LPCAT2: variants seen among roughly 807,000 people sequenced by gnomAD.
The protein encoded by LPCAT2 is lysophosphatidylcholine acyltransferase 2.
LPCAT2 carries 58 observed loss-of-function variants against 64.7 expected under a neutral mutation model. That is an observed-to-expected ratio of 0.90 (90% CI 0.73 to 1.12). LPCAT2 has a LOEUF of 1.12. LPCAT2 is among the 50% of genes most tolerant of loss of function. LPCAT2 has a pLI of 0.00. For synonymous variants in LPCAT2, 252 were observed against 245.3 expected, an observed-to-expected ratio of 1.03 and a Z score of -0.26; for missense variants, 579 against 669.8, an observed-to-expected ratio of 0.86 and a Z score of 1.50.
chr16:55,520,917 G>A (rs994151741), intron 1 of LPCAT2, among the ~76,000 whole-genome samples: 1 of 151,732 alleles, frequency 6.6e-6, no homozygotes, highest in African/African-American at 2.4e-5. Flanking sequence ...TAAAATTAAT[G>A]ATTTAAGTTT....
chr16:55,521,825 A>T (rs1377279332), intron 1 of LPCAT2, among the ~76,000 whole-genome samples: 1 of 151,692 alleles, frequency 6.6e-6, no homozygotes, highest in Non-Finnish European at 1.5e-5. Context: ...TTTCTTAGTA[A>T]AATAGGGATA....
Position 55,556,546 on chromosome 16 carries a change from G to A in LPCAT2, c.1215+5444G>A, listed in dbSNP as rs112572052. Among the ~76,000 whole-genome samples, 756 of 152,312 alleles carry A rather than the reference G, an allele frequency of 5.0e-3. 4 individuals are homozygous for A. Among genetic ancestry groups the A allele is most frequent in the South Asian group, 7.5e-3 (36 of 4,828 alleles). Reference sequence around the variant, plus strand: ...TAATCCCAGCACTTTGGGAGGCCGAGGTGGGCAGATCACGAGGTCAGGAGA... The same window carrying A: ...TAATCCCAGCACTTTGGGAGGCCGAAGTGGGCAGATCACGAGGTCAGGAGA... On this transcript the variant is annotated intron_variant, in intron 11 of 13. Transcript: ENST00000262134.
At chr16:55,578,735 C>T (rs1365710620) in intron 12 of LPCAT2, among the ~76,000 whole-genome samples, 1 of 152,170 alleles carries the variant, frequency 6.6e-6, no homozygotes, top group Non-Finnish European at 1.5e-5. Context: ...TATCTCCTGA[C>T]TGGAGCCCCA....
chr16:55,565,205 TAAC>T (rs71149623), intron 11 of LPCAT2, among the ~76,000 whole-genome samples: 53,922 of 151,624 alleles, frequency 0.36, 11,429 homozygotes, highest in Non-Finnish European at 0.47. Context: ...AAAGAGAAAA[TAAC>T]AAGTGTTTGC....
At chr16:55,568,948 T>C (rs194178) in intron 11 of LPCAT2, among the ~76,000 whole-genome samples, 143,321 of 152,226 alleles carry the variant, frequency 0.94, 67,829 homozygotes, top group East Asian at 0.99. Flanking sequence ...TGCAAGTGCT[T>C]GGTTCCTCTG....
chr16:55,537,727 C>T, intron 8 of LPCAT2, 95 bp downstream of exon 8: 1 of 990,840 alleles, frequency 1.0e-6, no homozygotes, highest in Non-Finnish European at 1.5e-6. Context: ...AAAGGTCCAT[C>T]ACCAGGTGTT....
At chr16:55,554,822 T>C (rs1284538096) in intron 11 of LPCAT2, among the ~76,000 whole-genome samples, 2 of 152,162 alleles carry the variant, frequency 1.3e-5, no homozygotes, top group African/African-American at 4.8e-5. Flanking sequence ...GGGGCCGTTG[T>C]AGTGTTATTA....
intron 11 of LPCAT2, among the ~76,000 whole-genome samples, chr16:55,561,856 C>T (rs1963640108): frequency 6.6e-6 from 1 of 151,824 alleles, no homozygotes; most frequent in Non-Finnish European, 1.5e-5. Flanking sequence ...TTTCATTGTG[C>T]CTATGAGAAA....
chr16:55,567,997 A>C (rs2142414652), intron 11 of LPCAT2, among the ~76,000 whole-genome samples: 1 of 152,326 alleles, frequency 6.6e-6, no homozygotes, highest in African/African-American at 2.4e-5. Flanking sequence ...CATTATGTAA[A>C]AAAATGAAAA....
chr16:55,559,374 T>C (rs1418874708), intron 11 of LPCAT2, among the ~76,000 whole-genome samples: 5 of 152,192 alleles, frequency 3.3e-5, no homozygotes, highest in Admixed American at 2.0e-4. Flanking sequence ...CTTCTGTAGA[T>C]GTTTTATTAC....
At chr16:55,577,762 C>T (rs1367491467) in intron 12 of LPCAT2, among the ~76,000 whole-genome samples, 13 of 152,210 alleles carry the variant, frequency 8.5e-5, no homozygotes, top group Non-Finnish European at 1.6e-4. Flanking sequence ...TTCAGTCTCT[C>T]CCTTCCTAAA....
chr16:55,580,223 T>C (rs1963873803), intron 13 of LPCAT2, among the ~76,000 whole-genome samples: 1 of 152,186 alleles, frequency 6.6e-6, no homozygotes, highest in Non-Finnish European at 1.5e-5. Flanking sequence ...ATTTAGGTAA[T>C]TAAATGCCTA....
rs1402387855 is a variant in LPCAT2 at position 55,586,477 on chromosome 16, C to T, written c.*3379C>T. ...CAGAAAAAATTATGTTTACTTCTAC[C>T]ACCCTAAATCAACTATTATCAATTT... is the stretch of plus-strand genomic sequence containing the variant. On this transcript the variant is annotated 3_prime_UTR_variant, in exon 14 of 14. Transcript: ENST00000262134. 1.6e-5 allele frequency: 2 copies of T among 128,814 alleles called. No individual in the cohort carries two copies. Among genetic ancestry groups the T allele is most frequent in the African/African-American group, 4.1e-5 (1 of 24,424 alleles). The allele number at this position is 128,814 out of a possible 1,614,324, so 8.0% of individuals were successfully genotyped here.
chr16:55,522,691 C>A (rs539176666), intron 1 of LPCAT2, among the ~76,000 whole-genome samples: 2 of 151,570 alleles, frequency 1.3e-5, no homozygotes, highest in African/African-American at 4.8e-5. Flanking sequence ...TGATTTTTTG[C>A]AAAGTTACCA....
chr16:55,540,611 C>T (rs1399775657), intron 8 of LPCAT2: 1 of 152,686 alleles, frequency 6.5e-6, no homozygotes, highest in East Asian at 1.9e-4. Context: ...AGTCAGTTTC[C>T]TTCATAGGCT....
intron 11 of LPCAT2, among the ~76,000 whole-genome samples, chr16:55,571,532 G>A (rs1046792034): frequency 6.6e-6 from 1 of 152,070 alleles, no homozygotes; most frequent in Non-Finnish European, 1.5e-5. Context: ...ACTTCTCTGG[G>A]CTCCAGATTA....
intron 1 of LPCAT2, among the ~76,000 whole-genome samples, chr16:55,511,714 T>G (rs776620850): frequency 1.3e-5 from 2 of 152,202 alleles, no homozygotes; most frequent in Non-Finnish European, 2.9e-5. Flanking sequence ...TATTATTTGT[T>G]GCAAACCTTG....
At chr16:55,563,783 TC>T in intron 11 of LPCAT2, among the ~76,000 whole-genome samples, 1 of 151,794 alleles carries the variant, frequency 6.6e-6, no homozygotes, top group South Asian at 2.1e-4. Flanking sequence ...TCCTCTAAGA[TC>T]AGGAATAAGA....
At chr16:55,516,760 A>G (rs1348998423) in intron 1 of LPCAT2, among the ~76,000 whole-genome samples, 6 of 152,198 alleles carry the variant, frequency 3.9e-5, no homozygotes, top group Admixed American at 1.3e-4. Context: ...GAAATTGAAG[A>G]CTTGAAGAAC....
Sources: gnomAD v4.1 joint callset for allele counts (sites outside exome capture counted in the v4.1 genomes callset) on GRCh38, gnomAD v4.1.1 for gene constraint, MANE v1.5 for transcripts, NCBI Gene and HGNC (gene_info 2026-07-23, HGNC 2026-07-21) for gene names.